Variants in CSGALNACT1 observed in about 807,000 individuals in gnomAD.
CSGALNACT1 encodes beta4GalNAcT-1.
A neutral mutation model predicts 51.0 loss-of-function variants in CSGALNACT1; 52 were observed. The ratio of observed to expected loss-of-function variants is 1.02; its 90% confidence interval spans 0.82 to 1.29. The LOEUF (loss-of-function observed/expected upper bound fraction) is 1.29, where lower values mean the gene tolerates loss of function less well. Ranked by LOEUF, CSGALNACT1 falls within the 50% of genes most tolerant of loss-of-function variation. CSGALNACT1 has a pLI of 0.00. For synonymous variants in CSGALNACT1, 341 were observed against 254.4 expected (o/e 1.34, Z -3.24); for missense variants, 935 against 679.2 (o/e 1.38, Z -4.19).
chr8:19,685,933 T>C (rs1456000636), upstream of CSGALNACT1, among the ~76,000 whole-genome samples: 1 of 152,170 alleles, frequency 6.6e-6, no homozygotes, highest in Non-Finnish European at 1.5e-5. Flanking sequence ...ACCTGATCAC[T>C]TGTAAAACTT....
At chr8:19,719,066 G>C (rs1266616893) in intron 1 of CSGALNACT1, among the ~76,000 whole-genome samples, 1 of 152,122 alleles carries the variant, frequency 6.6e-6, no homozygotes, top group African/African-American at 2.4e-5. Context: ...TAAAACCTGA[G>C]AGCTAAATTT....
intron 1 of CSGALNACT1, among the ~76,000 whole-genome samples, chr8:19,639,538 G>A (rs2056499411): frequency 1.3e-5 from 2 of 152,122 alleles, no homozygotes; most frequent in South Asian, 2.1e-4. Flanking sequence ...CATCACTCTT[G>A]GTCAGGGCAC....
intron 1 of CSGALNACT1, among the ~76,000 whole-genome samples, chr8:19,710,644 T>A (rs192106126): frequency 1.6e-4 from 24 of 152,084 alleles, no homozygotes; most frequent in Admixed American, 7.2e-4. Flanking sequence ...CTTTTCTGGA[T>A]GGAAAAAAAA....
rs555936845 is a variant in CSGALNACT1 at position 19,525,722 on chromosome 8, G to C, written c.-296-19592C>G. Reference sequence around the variant, plus strand: ...AGAGAAAAGTTGCCAAGTGACAACAGAGAGAAAGCAGCCTGCCCTCGGAGC... The same window carrying C: ...AGAGAAAAGTTGCCAAGTGACAACACAGAGAAAGCAGCCTGCCCTCGGAGC... On this transcript the variant is annotated intron_variant, in intron 3 of 9. Coordinates refer to ENST00000454498, the Ensembl canonical transcript of CSGALNACT1. Among the ~76,000 whole-genome samples, 310 of 145,268 alleles carry C rather than the reference G, an allele frequency of 2.1e-3. 3 individuals are homozygous for C. Among genetic ancestry groups the C allele is most frequent in the African/African-American group, 7.7e-3 (300 of 38,888 alleles).
chr8:19,509,447 C>T (rs903039290), intron 3 of CSGALNACT1, among the ~76,000 whole-genome samples: 3 of 151,798 alleles, frequency 2.0e-5, no homozygotes, highest in African/African-American at 4.8e-5. Context: ...GGTAAAACCC[C>T]GCCTCTACTA....
chr8:19,587,498 C>A (rs1381273746), intron 3 of CSGALNACT1, among the ~76,000 whole-genome samples: 2 of 152,050 alleles, frequency 1.3e-5, no homozygotes. Flanking sequence ...AACTTGGTCC[C>A]AATATAAACA....
At chr8:19,407,328 G>T (rs2054427552) in intron 9 of CSGALNACT1, among the ~76,000 whole-genome samples, 1 of 152,144 alleles carries the variant, frequency 6.6e-6, no homozygotes, top group Admixed American at 6.6e-5. Context: ...TCTTGGACCT[G>T]AGGGGGAGGT....
At chr8:19,440,503 G>C (rs2153750709) in intron 5 of CSGALNACT1, among the ~76,000 whole-genome samples, 1 of 151,902 alleles carries the variant, frequency 6.6e-6, no homozygotes, top group East Asian at 1.9e-4. Flanking sequence ...AAAGGCCTTT[G>C]ACAAAATTCA....
At chr8:19,745,266 A>G (rs1436679787) in intron 1 of CSGALNACT1, among the ~76,000 whole-genome samples, 2 of 152,166 alleles carry the variant, frequency 1.3e-5, no homozygotes, top group African/African-American at 4.8e-5. Flanking sequence ...TAACTGAAAA[A>G]CCAACTATTC....
At chr8:19,418,570 C>A in intron 8 of CSGALNACT1, 86 bp downstream of exon 7, 1 of 874,092 alleles carries the variant, frequency 1.1e-6, no homozygotes, top group Non-Finnish European at 1.9e-6. Flanking sequence ...CAGATTTCTA[C>A]TCACCTTTGC....
upstream of CSGALNACT1, among the ~76,000 whole-genome samples, chr8:19,605,991 G>A (rs377087740): frequency 6.6e-6 from 1 of 152,238 alleles, no homozygotes; most frequent in East Asian, 1.9e-4. Flanking sequence ...TGGACCCAAT[G>A]GTGTGAAAAT....
intron 3 of CSGALNACT1, among the ~76,000 whole-genome samples, chr8:19,558,078 A>G (rs1470893525): frequency 6.6e-6 from 1 of 152,210 alleles, no homozygotes; most frequent in African/African-American, 2.4e-5. Context: ...ATTGTACTGC[A>G]TGGCTGCTTT....
intron 4 of CSGALNACT1, among the ~76,000 whole-genome samples, chr8:19,494,882 T>C (rs1053978512): frequency 1.2e-4 from 8 of 64,350 alleles, no homozygotes; most frequent in Non-Finnish European, 2.3e-4. Flanking sequence ...AAACAGAAAA[T>C]GGGCGGGGGG....
chr8:19,533,236 C>T (rs1358548204), intron 3 of CSGALNACT1, among the ~76,000 whole-genome samples: 1 of 152,088 alleles, frequency 6.6e-6, no homozygotes, highest in Non-Finnish European at 1.5e-5. Flanking sequence ...CTCACTTCAG[C>T]CTCTTGAGTA....
At chr8:19,489,035 G>C (rs1009507145) in intron 4 of CSGALNACT1, among the ~76,000 whole-genome samples, 1 of 152,164 alleles carries the variant, frequency 6.6e-6, no homozygotes, top group East Asian at 1.9e-4. Context: ...GGCAAAAGAT[G>C]TATCTCCTAC....
intron 3 of CSGALNACT1, among the ~76,000 whole-genome samples, chr8:19,553,309 T>G (rs2088687742): frequency 6.6e-6 from 1 of 152,016 alleles, no homozygotes; most frequent in African/African-American, 2.4e-5. Context: ...GTTTATTAAA[T>G]GGTACCCTAA....
chr8:19,712,260 C>T (rs2062555240), intron 1 of CSGALNACT1, among the ~76,000 whole-genome samples: 1 of 152,046 alleles, frequency 6.6e-6, no homozygotes, highest in Non-Finnish European at 1.5e-5. Context: ...CTCCTGACCT[C>T]GTGATCCGCC....
intron 1 of CSGALNACT1, among the ~76,000 whole-genome samples, chr8:19,650,758 T>C (rs1293060515): frequency 1.3e-5 from 2 of 152,148 alleles, no homozygotes; most frequent in African/African-American, 2.4e-5. Flanking sequence ...TTTCTTTTGT[T>C]TGGAATGAGG....
At chr8:19,408,092 G>C (rs2054705478) in intron 9 of CSGALNACT1, among the ~76,000 whole-genome samples, 1 of 152,164 alleles carries the variant, frequency 6.6e-6, no homozygotes, top group Non-Finnish European at 1.5e-5. Flanking sequence ...GGGAGGCTTA[G>C]GATGTTCTAC....
Sources: allele counts gnomAD v4.1 joint callset (sites outside exome capture counted in the v4.1 genomes callset), GRCh38; gene constraint gnomAD v4.1.1; transcripts MANE v1.5; gene names NCBI Gene and HGNC (gene_info 2026-07-23, HGNC 2026-07-21).